Variants in CEBPZOS observed in about 807,000 individuals in gnomAD.
CEBPZOS encodes CEBPZ opposite strand, also known as protein CEBPZOS.
Under a neutral mutation model 4.8 loss-of-function variants are expected in CEBPZOS, and 10 were observed. That is an observed-to-expected ratio of 2.07 (90% confidence interval 1.28 to 3.52). The LOEUF is 3.52. Among genes scored for constraint, CEBPZOS ranks in the 30% most tolerant of loss-of-function variants. CEBPZOS has a pLI of 0.00. For missense variants in CEBPZOS, 98 were observed against 43.6 expected (o/e 2.25, Z -3.51); for synonymous variants, 25 against 14.2 (o/e 1.77, Z -1.72).
chr2:37,210,336 G>T (rs2148346384), intron 4 of CEBPZOS: 1 of 152,282 alleles, frequency 6.6e-6, no homozygotes, highest in East Asian at 1.9e-4. Flanking sequence ...ATTTATAGTA[G>T]CACAATCTGC....
downstream of CEBPZOS, chr2:37,209,549 C>G (rs1446656384): frequency 6.6e-6 from 1 of 152,174 alleles, no homozygotes; most frequent in Non-Finnish European, 1.5e-5. Context: ...GGAAAGGACA[C>G]CCTATTGAAC....
chr2:37,201,868 C>T lies in CEBPZOS; in HGVS notation c.*8C>T. 6.2e-7 allele frequency: 1 copy of T among 1,613,748 alleles called. No individual in the cohort carries two copies. Among genetic ancestry groups the T allele is most frequent in the Non-Finnish European group, 8.5e-7 (1 of 1,179,856 alleles). ...TTTGCATCTCTGTTGTGTAGCCAGT[C>T]ATCACGTTCAGCCTCCCATCTAAGC... On this transcript the variant is annotated 3_prime_UTR_variant, in exon 5 of 5. Transcript: ENST00000402297.
chr2:37,207,630 C>T (rs1465514989), downstream of CEBPZOS, among the ~76,000 whole-genome samples: 1 of 152,064 alleles, frequency 6.6e-6, no homozygotes, highest in African/African-American at 2.4e-5. Flanking sequence ...CCCATCAAAA[C>T]CTCTGGGATA....
At chr2:37,208,525 C>T (rs1050220444), downstream of CEBPZOS, among the ~76,000 whole-genome samples, 30 of 151,948 alleles carry the variant, frequency 2.0e-4, no homozygotes, top group African/African-American at 7.0e-4. Context: ...ACCACATAAA[C>T]AATTAAAAAC....
chr2:37,215,650 T>C (rs1324370813), downstream of CEBPZOS: 1 of 153,314 alleles, frequency 6.5e-6, no homozygotes, highest in East Asian at 1.9e-4. Context: ...ATGTCTGCTT[T>C]GAATACAACA....
At chr2:37,211,897 C>T (rs2148348557) in intron 4 of CEBPZOS, 1 of 1,612,128 alleles carries the variant, frequency 6.2e-7, no homozygotes, top group South Asian at 1.1e-5. Context: ...CCTCCATCTT[C>T]ATCAACTTCA....
downstream of CEBPZOS, chr2:37,214,883 T>C: frequency 6.3e-7 from 1 of 1,593,592 alleles, no homozygotes; most frequent in Non-Finnish European, 8.6e-7. Context: ...TTATGTATAG[T>C]ACCTGTGGAA....
chr2:37,206,404 C>T (rs1677541429), downstream of CEBPZOS, among the ~76,000 whole-genome samples: 2 of 152,228 alleles, frequency 1.3e-5, no homozygotes, highest in South Asian at 2.1e-4. Context: ...GTCGCCCAGG[C>T]GGGAAGGCAG....
In CEBPZOS at chr2:37,204,701, AAATTAATAAATCTGAATC is replaced by A. The variant is rs1344039441; in HGVS notation, c.*2856_*2873del. 6.6e-6 allele frequency: 1 copy of A among 152,234 alleles called. No homozygotes were observed. The highest frequency in any genetic ancestry group is 1.5e-5 in the Non-Finnish European group (1 of 68,042). 9.4% of individuals were successfully genotyped at this position (152,234 alleles called of 1,614,324 possible). A position where few individuals can be genotyped will look rare whatever the true frequency, so the allele number is the denominator to read the frequency against. On this transcript the variant is annotated 3_prime_UTR_variant, in exon 5 of 5. Coordinates refer to ENST00000402297, the MANE Select transcript of CEBPZOS (RefSeq NM_001322374.2). ...TGTAAATGTAGGGTGATCAATTAGTAAATTAATAAATCTGAATCAATTAATAAATCTGTTTAAAATTCC... is the reference window on the plus strand; with the variant it reads ...TGTAAATGTAGGGTGATCAATTAGTAAATTAATAAATCTGTTTAAAATTCC...
At chr2:37,207,124 C>T (rs77464571), downstream of CEBPZOS, among the ~76,000 whole-genome samples, 281 of 152,226 alleles carry the variant, frequency 1.8e-3, 1 homozygote, top group African/African-American at 6.5e-3. Flanking sequence ...TATATATGCA[C>T]CTACCACCAG....
chr2:37,212,248 T>C, intron 4 of CEBPZOS: 1 of 1,210,200 alleles, frequency 8.3e-7, no homozygotes, highest in Non-Finnish European at 1.2e-6. Context: ...TTCCCCTTTA[T>C]CATATAGTTC....
intron 1 of CEBPZOS, chr2:37,197,213 T>A (rs1053055688): frequency 6.6e-6 from 1 of 152,474 alleles, no homozygotes; most frequent in East Asian, 1.9e-4. Flanking sequence ...CGTGTCTCCC[T>A]TGCCGCAGCT....
At chr2:37,205,625 G>T (rs1463769833), downstream of CEBPZOS, among the ~76,000 whole-genome samples, 1 of 152,152 alleles carries the variant, frequency 6.6e-6, no homozygotes, top group African/African-American at 2.4e-5. Context: ...TCTTCATACA[G>T]ACGCGCATGA....
At chr2:37,196,690 A>AGGCGGCCGTGGTCT (rs200124714) in intron 1 of CEBPZOS, 170 bp downstream of exon 1, 9,986 of 152,398 alleles carry the variant, frequency 0.066, 360 homozygotes, top group Middle Eastern at 0.12. Context: ...CCGGGTCGCT[A>AGGCGGCCGTGGTCT]GGCGGCCGTG....
downstream of CEBPZOS, among the ~76,000 whole-genome samples, chr2:37,214,235 A>G (rs1445558702): frequency 2.0e-5 from 3 of 152,214 alleles, no homozygotes; most frequent in Non-Finnish European, 4.4e-5. Context: ...CCATTTACAG[A>G]TGTAATCAAA....
chr2:37,199,753 T>G lies in CEBPZOS; in HGVS notation c.49T>G (p.Leu17Val). The G allele has an allele frequency of 1.4e-6, 1 of 717,534 alleles. No individual in the cohort carries two copies. Among genetic ancestry groups the G allele is most frequent in the South Asian group, 1.5e-5 (1 of 67,598 alleles). The allele number at this position is 717,534 out of a possible 1,614,324, so 44.4% of individuals were successfully genotyped here. ...PLAKKIFKGV[L>V]VAELVGVFGA... ...AGCAAAGAAGATCTTTAAAGGAGTTTTGGTAGCCGAACTTGTAGGCGTTTT... is the reference window on the plus strand; with the variant it reads ...AGCAAAGAAGATCTTTAAAGGAGTTGTGGTAGCCGAACTTGTAGGCGTTTT... The change falls in exon 2 of 5, where the codon TTG (leucine) becomes GTG (valine). Residue 17 changes from leucine to valine, a missense_variant. Transcript: ENST00000402297.
downstream of CEBPZOS, among the ~76,000 whole-genome samples, chr2:37,206,323 C>G (rs919685311): frequency 3.3e-5 from 5 of 152,240 alleles, no homozygotes; most frequent in Admixed American, 2.0e-4. Flanking sequence ...CAAGCCAGCA[C>G]TATAAGAAAT....
At chr2:37,201,585 T>C (rs1361721797) in intron 3 of CEBPZOS, 57 bp from the exon 4 acceptor site, 3 of 663,080 alleles carry the variant, frequency 4.5e-6, no homozygotes. Flanking sequence ...TTCAATACAT[T>C]TAATTTTAAC....
chr2:37,199,388 C>T (rs577805380), intron 1 of CEBPZOS, among the ~76,000 whole-genome samples: 2 of 152,274 alleles, frequency 1.3e-5, no homozygotes, highest in African/African-American at 4.8e-5. Context: ...AAAAAATTAT[C>T]TTCCCCATTC....
Sources: allele counts gnomAD v4.1 joint callset (sites outside exome capture counted in the v4.1 genomes callset), GRCh38; gene constraint gnomAD v4.1.1; transcripts MANE v1.5; gene names NCBI Gene and HGNC (gene_info 2026-07-23, HGNC 2026-07-21).